CTTNBP2: variants seen among roughly 807,000 people sequenced by gnomAD.
CTTNBP2 encodes the protein cortactin binding protein 2, also known as cortactin-binding protein 2.
Under a neutral mutation model 156.9 loss-of-function variants are expected in CTTNBP2, and 108 were observed. That is an observed-to-expected ratio of 0.69 (90% CI 0.59 to 0.81). The LOEUF is 0.81. Ranked by LOEUF, CTTNBP2 falls within the 30% of genes least tolerant of loss-of-function variation. CTTNBP2 has a pLI of 0.00. For synonymous variants in CTTNBP2, 767 were observed against 751.8 expected, an observed-to-expected ratio of 1.02 and a Z score of -0.33; for missense variants, 1,924 against 2,035.4, an observed-to-expected ratio of 0.95 and a Z score of 1.05.
At chr7:117,743,662 T>C (rs1022901428) in intron 14 of CTTNBP2, among the ~76,000 whole-genome samples, 12 of 145,850 alleles carry the variant, frequency 8.2e-5, no homozygotes, top group Admixed American at 3.6e-4. Context: ...CTCGGGAGGC[T>C]GAGGCAGGAG....
chr7:117,768,184 T>A (rs1376949995), intron 8 of CTTNBP2, among the ~76,000 whole-genome samples: 3 of 147,210 alleles, frequency 2.0e-5, no homozygotes, highest in African/African-American at 7.4e-5. Flanking sequence ...TTGTATAGCC[T>A]TTTCTTATCT....
At chr7:117,748,175 ACAT>A (rs1796438469) in intron 12 of CTTNBP2, among the ~76,000 whole-genome samples, 1 of 152,158 alleles carries the variant, frequency 6.6e-6, no homozygotes, top group African/African-American at 2.4e-5. Flanking sequence ...CTGCAGGGAT[ACAT>A]TATTATTAAA....
intron 14 of CTTNBP2, among the ~76,000 whole-genome samples, chr7:117,738,094 C>T (rs1445903357): frequency 1.3e-5 from 2 of 152,198 alleles, no homozygotes; most frequent in East Asian, 1.9e-4. Context: ...GTCACAGCTG[C>T]GGAAGGCAGG....
At chr7:117,804,282 A>G (rs1158229457) in intron 3 of CTTNBP2, among the ~76,000 whole-genome samples, 1 of 152,164 alleles carries the variant, frequency 6.6e-6, no homozygotes, top group Non-Finnish European at 1.5e-5. Flanking sequence ...TTCAATTTTA[A>G]TAAATGTTAT....
intron 3 of CTTNBP2, among the ~76,000 whole-genome samples, chr7:117,809,720 G>A (rs1201739709): frequency 6.6e-6 from 1 of 152,126 alleles, no homozygotes; most frequent in African/African-American, 2.4e-5. Context: ...TTAATGTAAA[G>A]ATGAAATTTC....
In CTTNBP2 at chr7:117,756,600, A is replaced by AT. The variant is rs1796897612; in HGVS notation, c.3302dup (p.Tyr1101Ter). 1.2e-6 allele frequency: 2 copies of AT among 1,613,860 alleles called. No homozygotes were observed. Among genetic ancestry groups the AT allele is most frequent in the Non-Finnish European group, 1.7e-6 (2 of 1,179,728 alleles). Residue 1101 changes from tyrosine to a stop codon, truncating the protein, a stop_gained and frameshift_variant, in exon 12 of 23, where the codon TAT becomes TAAT. Transcript: ENST00000160373. LOFTEE classifies it high-confidence loss of function. ...TCATCTGGAGAGGGATCATGGAGGC[A>AT]TAAGTCACACTACTGAGACAGCCTT... ...PQEGCLSSVT[Y>*]ASMIPLQMMQ...
chr7:117,824,450 C>T (rs919775904), intron 2 of CTTNBP2, among the ~76,000 whole-genome samples: 59 of 152,140 alleles, frequency 3.9e-4, no homozygotes, highest in African/African-American at 1.3e-3. Flanking sequence ...CACTGGGTTC[C>T]GGGAGATCTT....
chr7:117,830,604 T>C (rs930052389), intron 2 of CTTNBP2, among the ~76,000 whole-genome samples: 4 of 152,150 alleles, frequency 2.6e-5, no homozygotes, highest in Non-Finnish European at 5.9e-5. Flanking sequence ...TTGGGAGAAA[T>C]ATCCTTAGAG....
At chr7:117,860,869 C>T (rs973510486) in intron 2 of CTTNBP2, among the ~76,000 whole-genome samples, 3 of 152,170 alleles carry the variant, frequency 2.0e-5, no homozygotes, top group African/African-American at 7.2e-5. Context: ...CCCTCACATA[C>T]ATGTAGGATA....
At chr7:117,870,635 T>A (rs1200340520) in intron 1 of CTTNBP2, among the ~76,000 whole-genome samples, 2 of 152,242 alleles carry the variant, frequency 1.3e-5, no homozygotes, top group East Asian at 3.8e-4. Flanking sequence ...TTTCCTTTCA[T>A]TCCAAAATTC....
chr7:117,815,848 CTG>C (rs1377680035), intron 2 of CTTNBP2, among the ~76,000 whole-genome samples: 3 of 152,178 alleles, frequency 2.0e-5, no homozygotes, highest in African/African-American at 7.2e-5. Context: ...TTAAGGGACT[CTG>C]GGGCTCACTG....
intron 22 of CTTNBP2, chr7:117,713,625 T>A (rs562678286): frequency 3.9e-5 from 6 of 152,202 alleles, no homozygotes; most frequent in Non-Finnish European, 8.8e-5. Flanking sequence ...CCTCACTAAC[T>A]GGCATGTCAC....
At chr7:117,796,896 A>C (rs760435185) in intron 3 of CTTNBP2, among the ~76,000 whole-genome samples, 1 of 152,238 alleles carries the variant, frequency 6.6e-6, no homozygotes, top group Non-Finnish European at 1.5e-5. Context: ...TGGTTATTAG[A>C]CTAATTCTCC....
In CTTNBP2 at chr7:117,782,962, C is replaced by CT; in HGVS notation, c.2273-2dup. The stretch of plus-strand genomic sequence containing the variant: ...GCACTCAGCAGCAATCTCACACAGT[C>CT]TATGGATTTTAATAGAAAGCCATGT... On this transcript the variant is annotated splice_acceptor_variant, in intron 5 of 22. Transcript: ENST00000160373. LOFTEE classifies it high-confidence loss of function. The CT allele has an allele frequency of 6.2e-7, 1 of 1,606,292 alleles. No homozygotes were observed. The highest frequency in any genetic ancestry group is 8.5e-7 in the Non-Finnish European group (1 of 1,177,044).
intron 2 of CTTNBP2, among the ~76,000 whole-genome samples, chr7:117,844,640 C>T (rs1252306238): frequency 6.6e-6 from 1 of 152,132 alleles, no homozygotes; most frequent in African/African-American, 2.4e-5. Flanking sequence ...GAAACAATGT[C>T]ACAACAGCTA....
In CTTNBP2 at chr7:117,816,089, C is replaced by CA. The variant is rs1800560820; in HGVS notation, c.190-5101dup. On this transcript the variant is annotated intron_variant, in intron 2 of 22. Transcript: ENST00000160373. ...GAGGGAAGTCTCCTTCCCAGGGGGG[C>CA]AATCTTCCCAGGAACCTGGAGAGGA... Among the ~76,000 whole-genome samples, 3 of 152,188 alleles carry CA rather than the reference C, an allele frequency of 2.0e-5. No individual in the cohort carries two copies. The South Asian group carries it at 6.2e-4, about 31-fold the overall frequency.
At position 117,791,263 on chromosome 7, in the gene CTTNBP2, C is replaced by T. The variant is rs144563936; in HGVS notation, c.1933G>A (p.Gly645Arg). The change falls in exon 4 of 23, where the codon GGA becomes AGA. Residue 645 changes from glycine to arginine, a missense_variant. Physicochemically the swap from Gly to Arg is moderately radical, Grantham distance 125. Transcript: ENST00000160373. ...QVGAWPAATP[G>R]LNQPACSDSS... The stretch of plus-strand genomic sequence containing the variant: ...TCTGAACATGCAGGTTGGTTCAGTC[C>T]GGGGGTTGCAGCAGGCCAGGCACCC... The T allele has an allele frequency of 2.4e-5, 38 of 1,614,040 alleles. No homozygotes were observed. The highest frequency in any genetic ancestry group is 8.0e-5 in the African/African-American group (6 of 74,988).
intron 12 of CTTNBP2, among the ~76,000 whole-genome samples, chr7:117,752,674 G>A (rs561860073): frequency 6.6e-6 from 1 of 152,230 alleles, no homozygotes; most frequent in South Asian, 2.1e-4. Context: ...AGTAACAACT[G>A]GTACTGCAAT....
chr7:117,810,325 G>T (rs1407654038), intron 3 of CTTNBP2, among the ~76,000 whole-genome samples: 2 of 152,080 alleles, frequency 1.3e-5, no homozygotes, highest in Admixed American at 1.3e-4. Context: ...CCAAAATTAA[G>T]AAATAATAAA....
Sources: allele counts gnomAD v4.1 joint callset (sites outside exome capture counted in the v4.1 genomes callset), GRCh38; gene constraint gnomAD v4.1.1; transcripts MANE v1.5; gene names NCBI Gene and HGNC (gene_info 2026-07-23, HGNC 2026-07-21).